CA6: variants seen among roughly 807,000 people sequenced by gnomAD.
CA6 encodes carbonic anhydrase 6.
A neutral mutation model predicts 35.9 loss-of-function variants in CA6; 28 were observed. The observed-to-expected ratio is 0.78, with a 90% CI of 0.58 to 1.07. The LOEUF (loss-of-function observed/expected upper bound fraction) is 1.07. Among genes scored for constraint, CA6 ranks in the 50% least tolerant of loss-of-function variants. The pLI, the probability that CA6 is intolerant of heterozygous loss-of-function variation, is 0.00. For synonymous variants in CA6, 148 were observed against 152.6 expected, an observed-to-expected ratio of 0.97 and a Z score of 0.22; for missense variants, 377 against 382.0, an observed-to-expected ratio of 0.99 and a Z score of 0.11.
chr1:8,957,266 G>T lies in CA6; in HGVS notation c.389G>T (p.Gly130Val), dbSNP rs751015281. 9 of 1,612,878 alleles carry T rather than the reference G, an allele frequency of 5.6e-6. No individual in the cohort carries two copies. In the South Asian group the frequency reaches 9.9e-5, roughly 18 times the overall value. Reference protein sequence around the residue: ...EISGSEHTVDGIRHVIEIHIV... With the variant: ...EISGSEHTVDVIRHVIEIHIV... The stretch of plus-strand genomic sequence containing the variant: ...AGCGGCTCTGAGCACACCGTGGACG[G>T]GATCAGACATGTGATCGAGGTACCT... Residue 130 changes from glycine (G) to valine (V), a missense_variant, in exon 3 of 8, where the codon GGG becomes GTG. Gly to Val is a moderately radical substitution (Grantham distance 109, BLOSUM62 -3). Transcript: ENST00000377443.
intron 5 of CA6, among the ~76,000 whole-genome samples, chr1:8,964,492 C>T (rs780806540): frequency 6.6e-6 from 1 of 152,118 alleles, no homozygotes; most frequent in African/African-American, 2.4e-5. Flanking sequence ...GTGATCTACC[C>T]GCCTCGGCCT....
intron 7 of CA6, among the ~76,000 whole-genome samples, chr1:8,972,444 G>A (rs1474668015): frequency 4.6e-5 from 7 of 152,094 alleles, no homozygotes; most frequent in African/African-American, 9.7e-5. Context: ...AGGCTGAGGC[G>A]GGCAGATCAC....
At chr1:8,949,588 T>C (rs1221959769) in intron 2 of CA6, 146 bp downstream of exon 2, 1 of 677,310 alleles carries the variant, frequency 1.5e-6, no homozygotes, top group Non-Finnish European at 2.5e-6. Context: ...GGGTCGAACA[T>C]GAGGGCTGAC....
At chr1:8,949,582 C>G (rs115497942) in intron 2 of CA6, 140 bp downstream of exon 2, 25 of 697,000 alleles carry the variant, frequency 3.6e-5, no homozygotes, top group Non-Finnish European at 5.5e-5. Flanking sequence ...ACATGAGGGT[C>G]GAACATGAGG....
chr1:8,966,692 G>T (rs12126080), intron 5 of CA6, among the ~76,000 whole-genome samples: 1 of 152,150 alleles, frequency 6.6e-6, no homozygotes, highest in African/African-American at 2.4e-5. Flanking sequence ...AAGCGCAGAA[G>T]TGCTCAGGGA....
At chr1:8,950,537 T>C (rs550604365) in intron 2 of CA6, among the ~76,000 whole-genome samples, 10 of 152,028 alleles carry the variant, frequency 6.6e-5, no homozygotes, top group African/African-American at 2.4e-4. Context: ...CCTGCTTGGG[T>C]TGAGATACAT....
intron 6 of CA6, among the ~76,000 whole-genome samples, chr1:8,968,688 T>C (rs1296301534): frequency 3.3e-5 from 5 of 151,990 alleles, no homozygotes; most frequent in South Asian, 2.1e-4. Flanking sequence ...AAAACTCAAA[T>C]AGAATTTCTA....
intron 7 of CA6, among the ~76,000 whole-genome samples, chr1:8,973,950 C>T (rs964233448): frequency 6.6e-6 from 1 of 151,946 alleles, no homozygotes; most frequent in Non-Finnish European, 1.5e-5. Flanking sequence ...CCTCGACCTC[C>T]CAAGTAGCTG....
intron 3 of CA6, among the ~76,000 whole-genome samples, chr1:8,958,419 C>T (rs1022957182): frequency 2.0e-5 from 3 of 152,120 alleles, no homozygotes; most frequent in Non-Finnish European, 2.9e-5. Context: ...CCACCCGCCT[C>T]GGCCTCCCAA....
chr1:8,970,292 T>C (rs1273916857), intron 6 of CA6, among the ~76,000 whole-genome samples: 2 of 152,024 alleles, frequency 1.3e-5, no homozygotes, highest in Non-Finnish European at 2.9e-5. Context: ...TTTCTGCTTC[T>C]TCTTTCTCTC....
chr1:8,961,078 C>T (rs568688722), intron 4 of CA6, among the ~76,000 whole-genome samples: 2 of 152,222 alleles, frequency 1.3e-5, no homozygotes, highest in East Asian at 3.9e-4. Flanking sequence ...GAATGACTGT[C>T]AATCAAGAAT....
At chr1:8,951,606 A>T in intron 2 of CA6, 1 of 765,164 alleles carries the variant, frequency 1.3e-6, no homozygotes, top group Non-Finnish European at 2.4e-6. Context: ...GGCCCAGAAG[A>T]GGGAAGGCAT....
chr1:8,951,166 A>G (rs1639519936), intron 2 of CA6, among the ~76,000 whole-genome samples: 1 of 152,012 alleles, frequency 6.6e-6, no homozygotes, highest in Non-Finnish European at 1.5e-5. Flanking sequence ...CAGTGAGCCA[A>G]GATCGTGCCA....
At chr1:8,953,817 G>T (rs2124248451) in intron 2 of CA6, among the ~76,000 whole-genome samples, 1 of 152,294 alleles carries the variant, frequency 6.6e-6, no homozygotes, top group African/African-American at 2.4e-5. Context: ...GCACTCCCAG[G>T]AGGTTAAGGC....
rs543205437 is a variant in CA6 at position 8,953,382 on chromosome 1, G to A, written c.260-3755G>A. 2.6e-5 allele frequency among the ~76,000 whole-genome samples: 4 copies of A among 152,196 alleles called. No individual in the cohort carries two copies. In the East Asian group the frequency reaches 7.7e-4, roughly 29 times the overall value. ...CTCATGCCTGTAACCCCAGCACTTT[G>A]GGAGGCCAAGGTGGGAGGATCACTT... On this transcript the variant is annotated intron_variant, in intron 2 of 7. Transcript: ENST00000377443.
In CA6 at chr1:8,974,756, C is replaced by CAGA. The variant is rs3831911; in HGVS notation, c.*55_*57dup. The CAGA allele has an allele frequency of 0.55, 588,519 of 1,079,418 alleles. 174,671 individuals carry two copies. The highest frequency in any genetic ancestry group is 0.9 in the African/African-American group (55,179 of 61,258). 66.9% of individuals were successfully genotyped at this position (1,079,418 alleles called of 1,614,324 possible). On this transcript the variant is annotated 3_prime_UTR_variant, in exon 8 of 8. Coordinates refer to ENST00000377443, the MANE Select transcript of CA6 (RefSeq NM_001215.4). ...TAACTAGCTTGAAGCCTGACCTAGC[C>CAGA]AGAAGTGCCTGTCCGCTGCAGCCGC... is the stretch of plus-strand genomic sequence containing the variant.
At chr1:8,971,611 A>G (rs1163861368) in intron 7 of CA6, among the ~76,000 whole-genome samples, 1 of 152,126 alleles carries the variant, frequency 6.6e-6, no homozygotes, top group Middle Eastern at 3.4e-3. Flanking sequence ...GTGCCTGGCC[A>G]AGTTAACCTT....
chr1:8,955,307 T>C (rs1012963376), intron 2 of CA6, among the ~76,000 whole-genome samples: 1 of 151,954 alleles, frequency 6.6e-6, no homozygotes, highest in Non-Finnish European at 1.5e-5. Flanking sequence ...GCCTGGGAGG[T>C]CGAGGCTGCA....
At chr1:8,970,773 T>G (rs1640088078) in intron 6 of CA6, 94 bp from the exon 7 acceptor site, 1 of 819,534 alleles carries the variant, frequency 1.2e-6, no homozygotes, top group Non-Finnish European at 2.2e-6. Context: ...AATGCTGGGA[T>G]TACAGGCGTG....
Sources: allele counts gnomAD v4.1 joint callset (sites outside exome capture counted in the v4.1 genomes callset), GRCh38; gene constraint gnomAD v4.1.1; transcripts MANE v1.5; gene names NCBI Gene and HGNC (gene_info 2026-07-23, HGNC 2026-07-21).